The following ZNF282 variants were observed in gnomAD, a reference collection of about 807,000 sequenced individuals.
ZNF282 encodes the protein HTLV-I U5 repressive element-binding protein 1.
ZNF282 carries 30 observed loss-of-function variants against 61.9 expected under a neutral mutation model. That is an observed-to-expected ratio of 0.48 (90% CI 0.36 to 0.66). The LOEUF (loss-of-function observed/expected upper bound fraction) is 0.66, where lower values mean the gene tolerates loss of function less well. ZNF282 is among the 30% of genes least tolerant of loss of function. The pLI is 0.00. For missense variants in ZNF282, 788 were observed against 941.4 expected, an observed-to-expected ratio of 0.84 and a Z score of 2.13; for synonymous variants, 396 against 405.0, an observed-to-expected ratio of 0.98 and a Z score of 0.27.
intron 2 of ZNF282, among the ~76,000 whole-genome samples, chr7:149,200,347 C>G (rs1340970195): frequency 2.0e-5 from 3 of 152,180 alleles, no homozygotes; most frequent in Non-Finnish European, 4.4e-5. Flanking sequence ...CCTCCCTGTC[C>G]TGTCAGCAGC....
intron 2 of ZNF282, among the ~76,000 whole-genome samples, chr7:149,205,426 ACT>A (rs1185313421): frequency 2.0e-5 from 3 of 152,142 alleles, no homozygotes; most frequent in Non-Finnish European, 2.9e-5. Flanking sequence ...CGACAGCGAG[ACT>A]CTGTCTCAAA....
At chr7:149,212,138 C>A (rs562880510) in intron 5 of ZNF282, among the ~76,000 whole-genome samples, 2 of 152,302 alleles carry the variant, frequency 1.3e-5, no homozygotes, top group East Asian at 3.9e-4. Flanking sequence ...TTCTTAAAGA[C>A]TGTAATGTTA....
rs1425394935 is a variant in ZNF282, at chr7:149,195,916, G to A, written c.165+162G>A. ...CGGGCGGGGCACGGCCGGGCTGCGC[G>A]GCGGGCAGGACGGAGCGGGCCCGAC... On this transcript the variant is annotated intron_variant, in intron 1 of 7. Coordinates refer to ENST00000610704, the MANE Select transcript of ZNF282 (RefSeq NM_003575.4). 6.1e-5 allele frequency among the ~76,000 whole-genome samples: 9 copies of A among 148,176 alleles called. No homozygotes were observed. The East Asian group carries it at 1.8e-3, about 29-fold the overall frequency.
intron 7 of ZNF282, among the ~76,000 whole-genome samples, chr7:149,215,360 G>A (rs938112633): frequency 1.3e-5 from 2 of 152,048 alleles, no homozygotes; most frequent in African/African-American, 4.8e-5. Flanking sequence ...GTGCCACCAT[G>A]CCTGGCTAAT....
In ZNF282 at chr7:149,224,456, A is replaced by G; in HGVS notation, c.1825A>G (p.Lys609Glu). ...GCCTTTCCAATGTGCACTGTGCGGC[A>G]AGAGCTTCATCCGCAAGCAGAACCT... ...ERPFQCALCG[K>E]SFIRKQNLLK... The change falls in exon 8 of 8, where the codon AAG (lysine) becomes GAG (glutamate). Residue 609 changes from lysine to glutamate, a missense_variant. By Grantham distance (56) the Lys-to-Glu change is moderately conservative (BLOSUM62 1). Transcript: ENST00000610704. 6.2e-7 allele frequency: 1 copy of G among 1,613,776 alleles called. No individual in the cohort carries two copies. The highest frequency in any genetic ancestry group is 8.5e-7 in the Non-Finnish European group (1 of 1,179,956).
At chr7:149,209,364 CTT>C (rs1197251066) in intron 4 of ZNF282, among the ~76,000 whole-genome samples, 1 of 151,998 alleles carries the variant, frequency 6.6e-6, no homozygotes, top group African/African-American at 2.4e-5. Context: ...TCCCTGCTCT[CTT>C]TTACCACCCC....
Position 149,224,243 on chromosome 7 carries a change from C to A in ZNF282, c.1612C>A (p.Arg538Ser). ...GVRKSLIIHH[R>S]SHTKERPYEC... ...GCGCAAGAGCCTCATCATCCACCAC[C>A]GCAGCCACACCAAGGAGCGGCCCTA... is the stretch of plus-strand genomic sequence containing the variant. Residue 538 changes from arginine (R) to serine (S), a missense_variant, in exon 8 of 8, where the codon CGC becomes AGC. By Grantham distance (110) the Arg-to-Ser change is moderately radical. Around this residue, in one of 3 missense-constraint regions of ZNF282, gnomAD observed 559 missense variants for 642.0 expected, o/e 0.87. Coordinates refer to ENST00000610704, the MANE Select transcript of ZNF282 (RefSeq NM_003575.4). The A allele has an allele frequency of 1.2e-6, 2 of 1,612,170 alleles. No homozygotes were observed. Among genetic ancestry groups the A allele is most frequent in the Non-Finnish European group, 8.5e-7 (1 of 1,179,882 alleles).
chr7:149,223,734 C>T (rs1371948927), intron 7 of ZNF282, 78 bp from the exon 8 acceptor site: 2 of 1,370,100 alleles, frequency 1.5e-6, no homozygotes, highest in Non-Finnish European at 1.9e-6. Context: ...AGCATGCTCC[C>T]TGGGCCCCCC....
At chr7:149,221,890 T>C (rs1796260003) in intron 7 of ZNF282, among the ~76,000 whole-genome samples, 1 of 152,052 alleles carries the variant, frequency 6.6e-6, no homozygotes, top group Non-Finnish European at 1.5e-5. Context: ...AGTTGGGTCC[T>C]AGGCAGAGGG....
At chr7:149,221,501 A>C (rs1217046985) in intron 7 of ZNF282, among the ~76,000 whole-genome samples, 1 of 152,156 alleles carries the variant, frequency 6.6e-6, no homozygotes, top group Non-Finnish European at 1.5e-5. Context: ...TTATGTGCAT[A>C]TAGTTTCTTT....
chr7:149,215,936 C>G (rs1185240513), intron 7 of ZNF282, among the ~76,000 whole-genome samples: 27 of 152,272 alleles, frequency 1.8e-4, no homozygotes, highest in Non-Finnish European at 2.9e-5. Flanking sequence ...TCCCAGTTGG[C>G]TAGGAGCATG....
At chr7:149,205,586 T>C in intron 2 of ZNF282, among the ~76,000 whole-genome samples, 1 of 151,256 alleles carries the variant, frequency 6.6e-6, no homozygotes, top group East Asian at 2.0e-4. Flanking sequence ...TGTCAGTCCG[T>C]AGGGGTGGGG....
chr7:149,213,773 G>A lies in ZNF282; in HGVS notation c.1139G>A (p.Arg380His), dbSNP rs766466237. Residue 380 changes from arginine to histidine, a missense_variant, in exon 7 of 8, where the codon CGC becomes CAC. Physicochemically the swap from Arg to His is conservative, Grantham distance 29. This residue lies in a region of ZNF282 where 559 missense variants were observed against 642.0 expected (regional missense o/e 0.87). Coordinates refer to ENST00000610704, the MANE Select transcript of ZNF282 (RefSeq NM_003575.4). Reference protein sequence around the residue: ...QEEQPYPWGPRDSMDGELGLD... With the variant: ...QEEQPYPWGPHDSMDGELGLD... ...GAGCAGCCATACCCATGGGGACCAC[G>A]CGACTCAATGGACGGAGAGCTTGGA... The A allele has an allele frequency of 8.7e-6, 14 of 1,613,934 alleles. No homozygotes were observed. Among genetic ancestry groups the A allele is most frequent in the South Asian group, 3.3e-5 (3 of 91,070 alleles).
chr7:149,213,032 A>G (rs926326272), intron 6 of ZNF282, among the ~76,000 whole-genome samples: 1 of 152,180 alleles, frequency 6.6e-6, no homozygotes, highest in Non-Finnish European at 1.5e-5. Context: ...GGGAGGGTCT[A>G]GGCATTCAGG....
chr7:149,195,589 G>C lies in ZNF282; in HGVS notation c.-1G>C, dbSNP rs777116618. 6.2e-7 allele frequency: 1 copy of C among 1,610,532 alleles called. No homozygotes were observed. Among genetic ancestry groups the C allele is most frequent in the African/African-American group, 1.3e-5 (1 of 74,568 alleles). ...CCCGAGCGGGGAACAGCACTCCCAGGATGCAGTTTGTGTCAACACGGCCGC... is the reference window on the plus strand; with the variant it reads ...CCCGAGCGGGGAACAGCACTCCCAGCATGCAGTTTGTGTCAACACGGCCGC... On this transcript the variant is annotated 5_prime_UTR_variant, in exon 1 of 8. Coordinates refer to ENST00000610704, the MANE Select transcript of ZNF282 (RefSeq NM_003575.4).
rs759490280 is a variant in ZNF282, at chr7:149,206,807, A to G, written c.697A>G (p.Thr233Ala). The G allele has an allele frequency of 3.7e-6, 6 of 1,613,858 alleles. No homozygotes were observed. The highest frequency in any genetic ancestry group is 5.1e-6 in the Non-Finnish European group (6 of 1,180,008). ...YNNLVKENYK[T>A]LMSLDAEGSV... ...CAACCTTGTTAAGGAGAACTACAAA[A>G]CCCTCATGTCCCTGGGTAAGGACAC... The change falls in exon 3 of 8, where the codon ACC becomes GCC. Residue 233 changes from threonine to alanine, a missense_variant. By Grantham distance (58) the Thr-to-Ala change is moderately conservative. Transcript: ENST00000610704.
At position 149,198,253 on chromosome 7, in the gene ZNF282, G is replaced by C. The variant is rs1411645042; in HGVS notation, c.166-80G>C. ...AAAGACGACATGTAGCATCTGATTA[G>C]TTGACCCCTGTTCCCAGCTGACTTC... On this transcript the variant is annotated intron_variant, in intron 1 of 7. Transcript: ENST00000610704. This position sits in a 1 kb window ranked among gnomAD's most constrained non-coding sequence, Gnocchi z 4.3. 2 of 1,487,834 alleles carry C rather than the reference G, an allele frequency of 1.3e-6. No individual in the cohort carries two copies. Among genetic ancestry groups the C allele is most frequent in the Non-Finnish European group, 1.8e-6 (2 of 1,104,898 alleles). The allele number at this position is 1,487,834 out of a possible 1,614,324, so 92.2% of individuals were successfully genotyped here.
chr7:149,213,291 C>T (rs148731092), intron 6 of ZNF282, among the ~76,000 whole-genome samples: 1 of 152,302 alleles, frequency 6.6e-6, no homozygotes, highest in African/African-American at 2.4e-5. Context: ...CACTGTGGTT[C>T]TTATCAATGA....
intron 2 of ZNF282, among the ~76,000 whole-genome samples, chr7:149,202,744 C>T (rs1326806542): frequency 6.6e-6 from 1 of 152,204 alleles, no homozygotes; most frequent in Non-Finnish European, 1.5e-5. Flanking sequence ...AACCACTGCA[C>T]CTGGCCTTAT....
Sources: allele counts gnomAD v4.1 joint callset (sites outside exome capture counted in the v4.1 genomes callset), GRCh38; gene constraint gnomAD v4.1.1; regional missense constraint gnomAD v4.1.1; non-coding constraint Gnocchi (gnomAD v3.1); transcripts MANE v1.5; gene names NCBI Gene and HGNC (gene_info 2026-07-23, HGNC 2026-07-21).